The following UBQLN1 variants were observed in gnomAD, a reference collection of about 807,000 sequenced individuals.
UBQLN1 encodes the protein ubiquilin-1.
A neutral mutation model predicts 65.4 loss-of-function variants in UBQLN1; 13 were observed. The observed-to-expected ratio is 0.20, with a 90% CI of 0.13 to 0.32. UBQLN1 has a LOEUF of 0.32. UBQLN1 is among the 10% of genes least tolerant of loss of function. UBQLN1 has a pLI of 1.00. For missense variants in UBQLN1, 561 were observed against 724.0 expected (o/e 0.77, Z 2.58); for synonymous variants, 267 against 247.8 (o/e 1.08, Z -0.73).
At position 83,707,666 on chromosome 9, in the gene UBQLN1, C is replaced by T. The variant is rs1832438944; in HGVS notation, c.14G>A (p.Gly5Asp). Reference protein sequence around the residue: MAESGESGGPPGSQD... With the variant: MAESDESGGPPGSQD... ...GGAGCCCGGAGGACCGCCGCTTTCACCACTCTCGGCCATGGCTGTGGCGGC... is the reference window on the plus strand; with the variant it reads ...GGAGCCCGGAGGACCGCCGCTTTCATCACTCTCGGCCATGGCTGTGGCGGC... The change falls in exon 1 of 11, where the codon GGT becomes GAT. Residue 5 changes from glycine (G) to aspartate (D), a missense_variant. Coordinates refer to ENST00000376395, the MANE Select transcript of UBQLN1 (RefSeq NM_013438.5). 2 of 1,551,570 alleles carry T rather than the reference C, an allele frequency of 1.3e-6. No individual in the cohort carries two copies. The highest frequency in any genetic ancestry group is 1.8e-4 in the Middle Eastern group (1 of 5,428).
intron 4 of UBQLN1, 142 bp from the exon 5 acceptor site, chr9:83,678,741 G>A (rs1831886686): frequency 1.1e-6 from 1 of 917,114 alleles, no homozygotes; most frequent in Non-Finnish European, 1.6e-6. Context: ...TTTTGAGACG[G>A]AGTCTTGCTT....
Position 83,688,721 on chromosome 9 carries a change from C to A in UBQLN1, c.181-2566G>T, listed in dbSNP as rs544435199. On this transcript the variant is annotated intron_variant, in intron 1 of 10. Coordinates refer to ENST00000376395, the MANE Select transcript of UBQLN1 (RefSeq NM_013438.5). ...ACTAAAAATACAAAACTTAGCTGGGCATTGTGGTGCATGTCTGTAATCCCA... is the reference window on the plus strand; with the variant it reads ...ACTAAAAATACAAAACTTAGCTGGGAATTGTGGTGCATGTCTGTAATCCCA... Among the ~76,000 whole-genome samples the A allele has an allele frequency of 6.6e-5, 10 of 152,090 alleles. No homozygotes were observed. The South Asian group carries it at 2.1e-3, about 32-fold the overall frequency.
chr9:83,677,168 C>A (rs1199031488), intron 6 of UBQLN1, among the ~76,000 whole-genome samples: 1 of 152,142 alleles, frequency 6.6e-6, no homozygotes, highest in Non-Finnish European at 1.5e-5. Flanking sequence ...CAAAACCAGG[C>A]TAAAGACAGC....
At chr9:83,689,819 C>T (rs1364420018) in intron 1 of UBQLN1, among the ~76,000 whole-genome samples, 1 of 152,124 alleles carries the variant, frequency 6.6e-6, no homozygotes, top group African/African-American at 2.4e-5. Context: ...ATAATGTCTA[C>T]AAATCACCAA....
At chr9:83,707,013 C>T (rs187729238) in intron 1 of UBQLN1, among the ~76,000 whole-genome samples, 1 of 152,288 alleles carries the variant, frequency 6.6e-6, no homozygotes, top group Non-Finnish European at 1.5e-5. Context: ...TAAATATACA[C>T]ATGCACCTCA....
chr9:83,685,614 T>A, intron 2 of UBQLN1, among the ~76,000 whole-genome samples: 1 of 135,578 alleles, frequency 7.4e-6, no homozygotes, highest in Non-Finnish European at 1.6e-5. Flanking sequence ...ACTCTGTCTC[T>A]TAAAAAAAAA....
At chr9:83,680,188 T>C in intron 3 of UBQLN1, 151 bp from the exon 4 acceptor site, 3 of 871,764 alleles carry the variant, frequency 3.4e-6, no homozygotes, top group Non-Finnish European at 4.9e-6. Flanking sequence ...CTATTACTAA[T>C]ATTTAATTCC....
intron 6 of UBQLN1, among the ~76,000 whole-genome samples, chr9:83,671,228 A>G (rs1021337900): frequency 7.9e-5 from 12 of 152,166 alleles, no homozygotes; most frequent in Non-Finnish European, 7.3e-5. Context: ...TCCATGAGGG[A>G]CAGAACAAAC....
intron 6 of UBQLN1, among the ~76,000 whole-genome samples, chr9:83,669,801 A>ACTGC (rs1831702130): frequency 6.6e-6 from 1 of 152,206 alleles, no homozygotes; most frequent in African/African-American, 2.4e-5. Context: ...TTCACTGTGT[A>ACTGC]CTGCCACTCA....
chr9:83,697,220 T>C (rs1248113675), intron 1 of UBQLN1, among the ~76,000 whole-genome samples: 1 of 150,762 alleles, frequency 6.6e-6, no homozygotes, highest in African/African-American at 2.5e-5. Flanking sequence ...GATCACATTA[T>C]TAATATGAGT....
intron 6 of UBQLN1, among the ~76,000 whole-genome samples, chr9:83,671,414 A>G (rs1202931693): frequency 6.6e-6 from 1 of 152,206 alleles, no homozygotes; most frequent in Non-Finnish European, 1.5e-5. Context: ...TGTATTTCTT[A>G]AATAAGACTT....
chr9:83,705,819 CATT>C (rs1320038911), intron 1 of UBQLN1, among the ~76,000 whole-genome samples: 4 of 151,824 alleles, frequency 2.6e-5, no homozygotes, highest in Admixed American at 1.3e-4. Flanking sequence ...AACTCAAAAA[CATT>C]ATGCTGAGTG....
intron 1 of UBQLN1, among the ~76,000 whole-genome samples, chr9:83,698,957 A>C (rs1240831249): frequency 2.0e-5 from 3 of 152,182 alleles, no homozygotes; most frequent in Non-Finnish European, 4.4e-5. Context: ...TACAACATAA[A>C]TGAACCTTGT....
chr9:83,676,914 G>A (rs1444889208), intron 6 of UBQLN1, among the ~76,000 whole-genome samples: 1 of 152,220 alleles, frequency 6.6e-6, no homozygotes, highest in African/African-American at 2.4e-5. Flanking sequence ...CTGAATAGCT[G>A]AAAGGAAGAC....
intron 1 of UBQLN1, among the ~76,000 whole-genome samples, chr9:83,703,585 A>G (rs1053846721): frequency 1.3e-5 from 2 of 152,172 alleles, no homozygotes; most frequent in Non-Finnish European, 2.9e-5. Context: ...CCCATAAGGG[A>G]TACTCAAAAC....
chr9:83,666,566 A>AG, intron 7 of UBQLN1, 133 bp from the exon 8 acceptor site: 1 of 780,712 alleles, frequency 1.3e-6, no homozygotes, highest in Non-Finnish European at 2.0e-6. Flanking sequence ...AAATAAAAAA[A>AG]GGAAAAGGGA....
intron 7 of UBQLN1, chr9:83,668,416 T>C (rs1268674974): frequency 1.0e-6 from 1 of 985,322 alleles, no homozygotes; most frequent in African/African-American, 1.7e-5. Flanking sequence ...CTACAGATTA[T>C]CAAGGTTTAT....
intron 7 of UBQLN1, 164 bp downstream of exon 7, chr9:83,669,021 A>T: frequency 2.7e-6 from 2 of 748,346 alleles, no homozygotes; most frequent in Non-Finnish European, 4.0e-6. Context: ...GTATTAATTT[A>T]CTGCAAAGAA....
At chr9:83,677,655 A>C in intron 6 of UBQLN1, 72 bp downstream of exon 6, 1 of 1,061,630 alleles carries the variant, frequency 9.4e-7, no homozygotes, top group Admixed American at 2.5e-5. Flanking sequence ...ACAAAGAATA[A>C]GAGTATAAAC....
Sources: allele counts gnomAD v4.1 joint callset (sites outside exome capture counted in the v4.1 genomes callset), GRCh38; gene constraint gnomAD v4.1.1; transcripts MANE v1.5; gene names NCBI Gene and HGNC (gene_info 2026-07-23, HGNC 2026-07-21).